AXIN1: variants seen among roughly 807,000 people sequenced by gnomAD.
AXIN1 encodes axin 1, also known as axin-1.
AXIN1 carries 30 observed loss-of-function variants against 76.4 expected under a neutral mutation model. The ratio of observed to expected loss-of-function variants is 0.39; its 90% confidence interval spans 0.29 to 0.53. The LOEUF (loss-of-function observed/expected upper bound fraction) is 0.53. AXIN1 is among the 20% of genes least tolerant of loss of function. The pLI, the probability that AXIN1 is intolerant of heterozygous loss-of-function variation, is 0.66. For synonymous variants in AXIN1, 545 were observed against 501.4 expected (o/e 1.09, Z -1.16); for missense variants, 1,140 against 1,198.8 (o/e 0.95, Z 0.72).
intron 2 of AXIN1, among the ~76,000 whole-genome samples, chr16:339,994 C>T (rs540903691): frequency 1.2e-4 from 19 of 152,348 alleles, no homozygotes; most frequent in African/African-American, 4.3e-4. Flanking sequence ...ACCACTCCTC[C>T]ACAGACAACT....
At chr16:323,136 AAAAAGAAAAG>A (rs1158272482) in intron 2 of AXIN1, among the ~76,000 whole-genome samples, 4 of 152,180 alleles carry the variant, frequency 2.6e-5, no homozygotes, top group African/African-American at 9.7e-5. Context: ...GAAAGAAAGA[AAAAAGAAAAG>A]AAAAGGAAAG....
intron 6 of AXIN1, among the ~76,000 whole-genome samples, 190 bp from the exon 7 acceptor site, chr16:297,416 G>A (rs528641056): frequency 3.4e-5 from 5 of 149,226 alleles, no homozygotes; most frequent in Non-Finnish European, 5.9e-5. Context: ...TCCCCTGCCC[G>A]CTGTCCTGGT....
At chr16:329,470 G>A (rs943328549) in intron 2 of AXIN1, among the ~76,000 whole-genome samples, 6 of 151,878 alleles carry the variant, frequency 4.0e-5, no homozygotes, top group African/African-American at 2.4e-5. Context: ...TTTGGATATG[G>A]CATCTTTCTC....
Position 287,712 on chromosome 16 carries a change from G to A in AXIN1, c.*410C>T. The A allele has an allele frequency of 2.8e-6, 1 of 360,676 alleles. No individual in the cohort carries two copies. The highest frequency in any genetic ancestry group is 3.5e-5 in the South Asian group (1 of 28,604). The allele number at this position is 360,676 out of a possible 1,614,324, so 22.3% of individuals were successfully genotyped here. A position where few individuals can be genotyped will look rare whatever the true frequency, so the allele number is the denominator to read the frequency against. On this transcript the variant is annotated 3_prime_UTR_variant, in exon 11 of 11. Transcript: ENST00000262320. Reference sequence around the variant, plus strand: ...CACTCGGTGGCGCGTACAATTGACAGAGGCCCTGCAGGCCTCTGCATCCGG... The same window carrying A: ...CACTCGGTGGCGCGTACAATTGACAAAGGCCCTGCAGGCCTCTGCATCCGG...
chr16:349,971 T>C (rs1327911930), intron 1 of AXIN1, among the ~76,000 whole-genome samples: 3 of 152,100 alleles, frequency 2.0e-5, no homozygotes, highest in African/African-American at 7.2e-5. Context: ...GGCTAATTAC[T>C]GTATTTTGGG....
chr16:328,984 A>C (rs181445657), intron 2 of AXIN1, among the ~76,000 whole-genome samples: 156 of 152,200 alleles, frequency 1.0e-3, no homozygotes, highest in African/African-American at 3.7e-3. Flanking sequence ...AACTATTTAA[A>C]ATGATAGTGG....
At chr16:312,962 G>A (rs1389763727) in intron 3 of AXIN1, among the ~76,000 whole-genome samples, 1 of 152,226 alleles carries the variant, frequency 6.6e-6, no homozygotes, top group Non-Finnish European at 1.5e-5. Flanking sequence ...TGAAGTGGGT[G>A]CAGTTTGCGC....
rs1213152508 is a variant in AXIN1 at position 297,242 on chromosome 16, C to G, written c.1785-16G>C. ...CACCTTCCCACTGCAAGGGCAAGAG[C>G]TGCGAGTCGCCCTGGCCTCCGGTGG... On this transcript the variant is annotated splice_polypyrimidine_tract_variant and intron_variant, in intron 6 of 10. Coordinates refer to ENST00000262320, the MANE Select transcript of AXIN1 (RefSeq NM_003502.4). 2 of 1,603,204 alleles carry G rather than the reference C, an allele frequency of 1.2e-6. No individual in the cohort carries two copies. Among genetic ancestry groups the G allele is most frequent in the Non-Finnish European group, 1.7e-6 (2 of 1,179,734 alleles).
At chr16:328,383 ACT>A (rs896795855) in intron 2 of AXIN1, among the ~76,000 whole-genome samples, 4 of 151,680 alleles carry the variant, frequency 2.6e-5, no homozygotes, top group Admixed American at 6.6e-5. Flanking sequence ...ACACAGCAAG[ACT>A]CTGTCACTAA....
At chr16:307,806 C>T (rs2053066896) in intron 4 of AXIN1, among the ~76,000 whole-genome samples, 1 of 152,248 alleles carries the variant, frequency 6.6e-6, no homozygotes, top group African/African-American at 2.4e-5. Flanking sequence ...GCAGTGCAAC[C>T]ACGGCACGTC....
At chr16:307,583 G>A (rs763604540) in intron 4 of AXIN1, among the ~76,000 whole-genome samples, 16 of 152,222 alleles carry the variant, frequency 1.1e-4, no homozygotes, top group East Asian at 5.8e-4. Context: ...GGGGCTTTTC[G>A]GGATGAACCT....
chr16:321,487 T>C (rs2053456029), intron 2 of AXIN1, among the ~76,000 whole-genome samples: 1 of 152,270 alleles, frequency 6.6e-6, no homozygotes, highest in African/African-American at 2.4e-5. Context: ...TATAGCCATT[T>C]TGAAAGGCAA....
intron 2 of AXIN1, among the ~76,000 whole-genome samples, chr16:335,602 C>T (rs1333418656): frequency 6.6e-6 from 1 of 151,836 alleles, no homozygotes; most frequent in Non-Finnish European, 1.5e-5. Context: ...CCCAATAACA[C>T]AACACCCAGT....
At chr16:292,330 C>A (rs1216692416) in intron 8 of AXIN1, 1 of 152,284 alleles carries the variant, frequency 6.6e-6, no homozygotes, top group South Asian at 2.1e-4. Flanking sequence ...AAAGTGGTCA[C>A]CCTTTGGGTT....
intron 2 of AXIN1, among the ~76,000 whole-genome samples, chr16:330,609 A>C (rs967987201): frequency 2.6e-5 from 4 of 152,240 alleles, no homozygotes; most frequent in Non-Finnish European, 5.9e-5. Flanking sequence ...TCAATGTCAC[A>C]AAAGTCTCTT....
chr16:331,034 TCAG>T (rs1200963776), intron 2 of AXIN1, among the ~76,000 whole-genome samples: 1 of 152,160 alleles, frequency 6.6e-6, no homozygotes, highest in Non-Finnish European at 1.5e-5. Context: ...CAGAGCCTCC[TCAG>T]CAGAAGTCTG....
chr16:341,058 G>A (rs1418008152), intron 2 of AXIN1, among the ~76,000 whole-genome samples: 5 of 152,252 alleles, frequency 3.3e-5, no homozygotes, highest in Non-Finnish European at 5.9e-5. Flanking sequence ...CTCCTGGCAC[G>A]TTCCTCCACG....
chr16:345,442 C>T (rs186722956), intron 2 of AXIN1, among the ~76,000 whole-genome samples: 21 of 152,348 alleles, frequency 1.4e-4, no homozygotes, highest in East Asian at 1.9e-4. Context: ...TGGCCGGATG[C>T]GGCGGCTCAC....
Position 352,495 on chromosome 16 carries a change from TCTCGGCGGCTGCGG to T in AXIN1, c.-222_-209del, listed in dbSNP as rs1455998482. The T allele has an allele frequency of 4.6e-6, 4 of 872,494 alleles. No homozygotes were observed. The highest frequency in any genetic ancestry group is 5.8e-4 in the Middle Eastern group (1 of 1,716). 54.0% of individuals were successfully genotyped at this position (872,494 alleles called of 1,614,324 possible). On this transcript the variant is annotated 5_prime_UTR_variant, in exon 1 of 11. Coordinates refer to ENST00000262320, the MANE Select transcript of AXIN1 (RefSeq NM_003502.4). ...GGGGCGCGGCCCGGGGCGGCCCCCA[TCTCGGCGGCTGCGG>T]CTCGGCGGCCCGGAGGCGGACGCGG...
Sources: gnomAD v4.1 joint callset for allele counts (sites outside exome capture counted in the v4.1 genomes callset) on GRCh38, gnomAD v4.1.1 for gene constraint, MANE v1.5 for transcripts, NCBI Gene and HGNC (gene_info 2026-07-23, HGNC 2026-07-21) for gene names.